Variants in ACBD5 observed in about 807,000 individuals in gnomAD.
The protein encoded by ACBD5 is acyl-CoA-binding domain-containing protein 5.
Under a neutral mutation model 71.8 loss-of-function variants are expected in ACBD5, and 40 were observed. The observed-to-expected ratio is 0.56, with a 90% CI of 0.43 to 0.72. ACBD5 has a LOEUF of 0.72. Ranked by LOEUF, ACBD5 falls within the 30% of genes least tolerant of loss-of-function variation. The pLI is 0.00. For synonymous variants in ACBD5, 229 were observed against 218.6 expected, an observed-to-expected ratio of 1.05 and a Z score of -0.42; for missense variants, 559 against 644.5, an observed-to-expected ratio of 0.87 and a Z score of 1.44.
chr10:27,237,539 T>C (rs2064878169), intron 2 of ACBD5, among the ~76,000 whole-genome samples: 1 of 152,280 alleles, frequency 6.6e-6, no homozygotes, highest in East Asian at 1.9e-4. Flanking sequence ...AACAAACTTC[T>C]GCTTCAATTA....
chr10:27,209,259 C>T (rs1279732583), intron 9 of ACBD5, among the ~76,000 whole-genome samples: 1 of 152,050 alleles, frequency 6.6e-6, no homozygotes, highest in Non-Finnish European at 1.5e-5. Flanking sequence ...TTAAAAGTTA[C>T]AGTAAAGAGC....
Position 27,197,330 on chromosome 10 carries a change from G to A in ACBD5, c.*100C>T. 8.8e-7 allele frequency: 1 copy of A among 1,141,698 alleles called. No homozygotes were observed. 70.7% of individuals were successfully genotyped at this position (1,141,698 alleles called of 1,614,324 possible). On this transcript the variant is annotated 3_prime_UTR_variant, in exon 13 of 13. Coordinates refer to ENST00000396271, the MANE Select transcript of ACBD5 (RefSeq NM_145698.5). ...AAACTACTGGACAACAAAAAGCAAT[G>A]TAATCATCACAAACTAAGATTTTCT...
intron 3 of ACBD5, among the ~76,000 whole-genome samples, chr10:27,234,553 T>TTATCTTTGA (rs1304393363): frequency 1.3e-5 from 2 of 152,096 alleles, no homozygotes; most frequent in Non-Finnish European, 2.9e-5. Context: ...TAATGCTTCT[T>TTATCTTTGA]TATCTTTGAT....
intron 4 of ACBD5, among the ~76,000 whole-genome samples, chr10:27,229,333 T>G (rs1232129557): frequency 1.3e-5 from 2 of 151,774 alleles, no homozygotes; most frequent in Admixed American, 1.3e-4. Context: ...CTCATGCCTG[T>G]AATCCCAGCA....
chr10:27,215,607 T>C lies in ACBD5; in HGVS notation c.864A>G (p.Gly288=), dbSNP rs766269023. The C allele has an allele frequency of 1.2e-5, 19 of 1,613,260 alleles. No individual in the cohort carries two copies. The highest frequency in any genetic ancestry group is 1.2e-5 in the Non-Finnish European group (14 of 1,179,444). The change falls in exon 8 of 13, where the codon GGA becomes GGG. Residue 288 remains glycine, a synonymous_variant. Coordinates refer to ENST00000396271, the MANE Select transcript of ACBD5 (RefSeq NM_145698.5). ...INDDHVEDVT[G]IQHLTSDSDS... The stretch of plus-strand genomic sequence containing the variant: ...CTGAATCGCTTGTCAAATGCTGAAT[T>C]CCTGTAACATCTTCAACATGATCAT...
At position 27,204,763 on chromosome 10, in the gene ACBD5, T is replaced by G. The variant is rs10829209; in HGVS notation, c.1456-214A>C. The stretch of plus-strand genomic sequence containing the variant: ...ACTTAAATAAACACAAAACAAGTAT[T>G]TTTTAACTGCAAAGGTAGATTTCAT... On this transcript the variant is annotated intron_variant, in intron 11 of 12. Transcript: ENST00000396271. Among the ~76,000 whole-genome samples the G allele has an allele frequency of 0.069, 10,526 of 152,236 alleles. 685 individuals carry two copies. Among genetic ancestry groups the G allele is most frequent in the African/African-American group, 0.17 (7,015 of 41,520 alleles).
chr10:27,238,096 C>T (rs771488766), intron 2 of ACBD5, among the ~76,000 whole-genome samples: 33 of 152,046 alleles, frequency 2.2e-4, no homozygotes, highest in Middle Eastern at 3.2e-3. Flanking sequence ...CAGGCGCCCA[C>T]GACCACGCCT....
At position 27,223,400 on chromosome 10, in the gene ACBD5, A is replaced by G; in HGVS notation, c.428T>C (p.Ile143Thr). The change falls in exon 5 of 13, where the codon ATA becomes ACA. Residue 143 changes from isoleucine (I) to threonine (T), a missense_variant. Physicochemically the swap from Ile to Thr is moderately conservative, Grantham distance 89. Coordinates refer to ENST00000396271, the MANE Select transcript of ACBD5 (RefSeq NM_145698.5). The stretch of plus-strand genomic sequence containing the variant: ...CTCGACAATTTCATAAAATGGACCT[A>G]TGACACGCAGCAATTCTTCAACTTT... ...TEKVEELLRV[I>T]GPFYEIVEDK... 24 of 1,613,920 alleles carry G rather than the reference A, an allele frequency of 1.5e-5. No homozygotes were observed. The highest frequency in any genetic ancestry group is 2.0e-5 in the Non-Finnish European group (24 of 1,180,016).
At chr10:27,223,236 C>T (rs752605083) in intron 5 of ACBD5, 102 bp downstream of exon 5, 31 of 829,284 alleles carry the variant, frequency 3.7e-5, no homozygotes, top group African/African-American at 1.4e-4. Flanking sequence ...TTTCTCCAGT[C>T]GGACTGGCGC....
At chr10:27,241,901 T>C (rs2065542381), upstream of ACBD5, among the ~76,000 whole-genome samples, 1 of 151,812 alleles carries the variant, frequency 6.6e-6, no homozygotes, top group Non-Finnish European at 1.5e-5. Flanking sequence ...CTGACTAGGT[T>C]GTGGGGGGTG....
intron 13 of ACBD5, among the ~76,000 whole-genome samples, chr10:27,188,801 C>A (rs1171575803): frequency 6.6e-6 from 1 of 152,062 alleles, no homozygotes; most frequent in African/African-American, 2.4e-5. Flanking sequence ...GAGGAAAGAA[C>A]AATGGGAAAA....
chr10:27,219,795 T>C lies in ACBD5; in HGVS notation c.553A>G (p.Ser185Gly). 1 of 1,614,144 alleles carries C rather than the reference T, an allele frequency of 6.2e-7. No individual in the cohort carries two copies. The highest frequency in any genetic ancestry group is 8.5e-7 in the Non-Finnish European group (1 of 1,180,012). Residue 185 changes from serine (S) to glycine (G), a missense_variant, in exon 6 of 13, where the codon AGT becomes GGT. Physicochemically the swap from Ser to Gly is moderately conservative, Grantham distance 56. Coordinates refer to ENST00000396271, the MANE Select transcript of ACBD5 (RefSeq NM_145698.5). ...AKTVNGKAES[S>G]DSGAESEEEE... ...TCCTCAGACTCGGCTCCACTGTCACTGCTTTCAGCTTTACCATTAACGGTT... is the reference window on the plus strand; with the variant it reads ...TCCTCAGACTCGGCTCCACTGTCACCGCTTTCAGCTTTACCATTAACGGTT...
At chr10:27,221,917 CAAAAAAAAAAAAAAAA>C in intron 5 of ACBD5, among the ~76,000 whole-genome samples, 1 of 77,124 alleles carries the variant, frequency 1.3e-5, no homozygotes, top group Admixed American at 1.6e-4. Context: ...GACTCCATCT[CAAAAAAAAAAAAAAAA>C]AAAAAAGAAA....
intron 2 of ACBD5, among the ~76,000 whole-genome samples, chr10:27,238,370 C>T (rs2065035447): frequency 6.6e-6 from 1 of 152,188 alleles, no homozygotes; most frequent in Non-Finnish European, 1.5e-5. Flanking sequence ...TACATAATGT[C>T]AACAGGCATA....
intron 4 of ACBD5, among the ~76,000 whole-genome samples, chr10:27,230,107 A>C (rs1281131843): frequency 6.6e-6 from 1 of 151,726 alleles, no homozygotes; most frequent in East Asian, 1.9e-4. Context: ...GTAAAAAAAA[A>C]AAAAAGAGAA....
At chr10:27,219,524 TA>T (rs2137457591) in intron 6 of ACBD5, among the ~76,000 whole-genome samples, 198 bp downstream of exon 6, 1 of 152,306 alleles carries the variant, frequency 6.6e-6, no homozygotes, top group South Asian at 2.1e-4. Flanking sequence ...AATTAACACC[TA>T]TTCCATTTAC....
intron 7 of ACBD5, among the ~76,000 whole-genome samples, chr10:27,217,226 C>T (rs1173531498): frequency 2.1e-5 from 3 of 145,578 alleles, no homozygotes; most frequent in African/African-American, 5.1e-5. Flanking sequence ...GAGGCCAAGG[C>T]GGGTGGATCA....
chr10:27,192,077 A>G (rs1471636412), downstream of ACBD5, among the ~76,000 whole-genome samples: 3 of 152,096 alleles, frequency 2.0e-5, no homozygotes, highest in Admixed American at 2.0e-4. Flanking sequence ...AAATCAACAA[A>G]CCTTTAGCCA....
intron 2 of ACBD5, 89 bp from the exon 3 acceptor site, chr10:27,235,301 T>A (rs2064509167): frequency 1.4e-6 from 2 of 1,450,294 alleles, no homozygotes; most frequent in Admixed American, 3.4e-5. Context: ...TAATAGTGAT[T>A]TTATATTGCA....
Sources: allele counts gnomAD v4.1 joint callset (sites outside exome capture counted in the v4.1 genomes callset), GRCh38; gene constraint gnomAD v4.1.1; transcripts MANE v1.5; gene names NCBI Gene and HGNC (gene_info 2026-07-23, HGNC 2026-07-21).